FRMD4A: variants seen among roughly 807,000 people sequenced by gnomAD.
FRMD4A encodes the protein FERM domain-containing protein 4A.
Under a neutral mutation model 129.1 loss-of-function variants are expected in FRMD4A, and 29 were observed. The observed-to-expected ratio is 0.22, with a 90% CI of 0.17 to 0.31. The LOEUF is 0.31. Among genes scored for constraint, FRMD4A ranks in the 10% least tolerant of loss-of-function variants. FRMD4A has a pLI of 1.00. For missense variants in FRMD4A, 1,272 were observed against 1,375.8 expected, an observed-to-expected ratio of 0.92 and a Z score of 1.19; for synonymous variants, 634 against 571.6, an observed-to-expected ratio of 1.11 and a Z score of -1.56.
At chr10:14,125,923 G>A (rs1027743410) in intron 2 of FRMD4A, among the ~76,000 whole-genome samples, 1 of 146,500 alleles carries the variant, frequency 6.8e-6, no homozygotes, top group Non-Finnish European at 1.5e-5. Context: ...AACACAGTAT[G>A]ATAGAAGCAA....
intron 2 of FRMD4A, among the ~76,000 whole-genome samples, chr10:14,248,936 C>A (rs1227558529): frequency 6.6e-6 from 1 of 152,150 alleles, no homozygotes; most frequent in Non-Finnish European, 1.5e-5. Flanking sequence ...GGTAAGGATT[C>A]TTTTATTTGG....
chr10:14,150,177 G>A (rs994097885), intron 2 of FRMD4A, among the ~76,000 whole-genome samples: 3 of 152,078 alleles, frequency 2.0e-5, no homozygotes, highest in African/African-American at 7.2e-5. Flanking sequence ...TCAACACTGG[G>A]GATTACAATT....
chr10:13,959,212 C>T (rs2095430120), intron 2 of FRMD4A, among the ~76,000 whole-genome samples: 1 of 151,996 alleles, frequency 6.6e-6, no homozygotes, highest in Non-Finnish European at 1.5e-5. Context: ...GAGGGTCACA[C>T]CTTGTAATCT....
intron 6 of FRMD4A, among the ~76,000 whole-genome samples, chr10:13,779,041 G>C (rs975988708): frequency 3.3e-5 from 5 of 152,146 alleles, no homozygotes; most frequent in African/African-American, 4.8e-5. Flanking sequence ...AGAATTGGCT[G>C]GGTGTGGTGG....
At chr10:14,242,462 TGATA>T (rs1844081907) in intron 2 of FRMD4A, among the ~76,000 whole-genome samples, 1 of 152,190 alleles carries the variant, frequency 6.6e-6, no homozygotes, top group African/African-American at 2.4e-5. Flanking sequence ...AGACATTTGG[TGATA>T]GATAGCCCGC....
intron 13 of FRMD4A, among the ~76,000 whole-genome samples, chr10:13,702,068 G>T (rs1541007): frequency 0.99 from 150,171 of 152,170 alleles, 74,132 homozygotes; most frequent in Middle Eastern, 1. Context: ...AACGTCTGTC[G>T]ATACATTTCA....
intron 2 of FRMD4A, among the ~76,000 whole-genome samples, chr10:14,292,264 TTAAGACA>T (rs1845872389): frequency 6.6e-6 from 1 of 152,214 alleles, no homozygotes; most frequent in African/African-American, 2.4e-5. Flanking sequence ...GCTATAGTAG[TTAAGACA>T]GTGAGATACT....
intron 2 of FRMD4A, among the ~76,000 whole-genome samples, chr10:13,941,212 T>C (rs189515056): frequency 3.6e-3 from 552 of 152,298 alleles, no homozygotes; most frequent in Admixed American, 5.7e-3. Context: ...GTTTCCTCCA[T>C]ACTGTTCTCA....
chr10:14,125,620 T>C (rs1484273787), intron 2 of FRMD4A, among the ~76,000 whole-genome samples: 1 of 152,200 alleles, frequency 6.6e-6, no homozygotes, highest in Admixed American at 6.5e-5. Context: ...ACCTCCACAA[T>C]GCTGGAGCCC....
intron 2 of FRMD4A, among the ~76,000 whole-genome samples, chr10:14,241,028 G>A (rs1259394201): frequency 6.6e-6 from 1 of 152,068 alleles, no homozygotes; most frequent in East Asian, 1.9e-4. Flanking sequence ...TCCTTTTAAT[G>A]GCTCAGCATT....
intron 2 of FRMD4A, among the ~76,000 whole-genome samples, chr10:14,162,645 T>TTG (rs1840963130): frequency 6.8e-6 from 1 of 147,982 alleles, no homozygotes; most frequent in African/African-American, 2.6e-5. Flanking sequence ...TTTTTTGTTT[T>TTG]TTTTTTTTTT....
intron 2 of FRMD4A, among the ~76,000 whole-genome samples, chr10:14,087,267 A>T (rs1836339348): frequency 6.8e-6 from 1 of 147,512 alleles, no homozygotes. Context: ...ATAAAATTAT[A>T]AATTAATTAA....
At chr10:14,226,871 CT>C (rs963383903) in intron 2 of FRMD4A, among the ~76,000 whole-genome samples, 20 of 152,156 alleles carry the variant, frequency 1.3e-4, no homozygotes, top group African/African-American at 4.8e-4. Context: ...TCCCCGCTGC[CT>C]TCCAAGACCC....
chr10:14,279,284 G>T (rs1845443174), intron 2 of FRMD4A, among the ~76,000 whole-genome samples: 1 of 149,436 alleles, frequency 6.7e-6, no homozygotes, highest in Non-Finnish European at 1.5e-5. Context: ...CGCCTCCCAG[G>T]TTCATGCAGT....
intron 2 of FRMD4A, among the ~76,000 whole-genome samples, chr10:14,188,216 T>G (rs750262804): frequency 1.3e-5 from 2 of 152,204 alleles, no homozygotes; most frequent in Non-Finnish European, 2.9e-5. Flanking sequence ...GACTGGATTC[T>G]CAAGTCAACC....
chr10:13,892,109 C>G (rs2094707171), intron 2 of FRMD4A, among the ~76,000 whole-genome samples: 1 of 151,130 alleles, frequency 6.6e-6, no homozygotes, highest in Non-Finnish European at 1.5e-5. Flanking sequence ...CACCCGCAGG[C>G]GAGACAAAGT....
At chr10:13,868,547 A>G (rs1464489400) in intron 2 of FRMD4A, among the ~76,000 whole-genome samples, 2 of 152,196 alleles carry the variant, frequency 1.3e-5, no homozygotes, top group Admixed American at 1.3e-4. Flanking sequence ...TCACTACTGT[A>G]ATGCCAGCAC....
chr10:14,273,790 A>C (rs974149388), intron 2 of FRMD4A, among the ~76,000 whole-genome samples: 1 of 152,156 alleles, frequency 6.6e-6, no homozygotes, highest in Admixed American at 6.5e-5. Flanking sequence ...GGGTCCTTTG[A>C]TAAAAATTGA....
intron 2 of FRMD4A, among the ~76,000 whole-genome samples, chr10:13,999,402 C>T (rs2095633937): frequency 6.6e-6 from 1 of 152,160 alleles, no homozygotes; most frequent in Admixed American, 6.5e-5. Context: ...GTATTCCATT[C>T]CCAGGGATAT....
Sources: allele counts gnomAD v4.1 joint callset (sites outside exome capture counted in the v4.1 genomes callset), GRCh38; gene constraint gnomAD v4.1.1; transcripts MANE v1.5; gene names NCBI Gene and HGNC (gene_info 2026-07-23, HGNC 2026-07-21).